PAPOLG: variants seen among roughly 807,000 people sequenced by gnomAD.
The protein encoded by PAPOLG is poly(A) polymerase gamma.
A neutral mutation model predicts 99.0 loss-of-function variants in PAPOLG; 40 were observed. That is an observed-to-expected ratio of 0.40 (90% CI 0.31 to 0.53). The LOEUF (loss-of-function observed/expected upper bound fraction) is 0.53, where lower values mean the gene tolerates loss of function less well. Among genes scored for constraint, PAPOLG ranks in the 20% least tolerant of loss-of-function variants. The pLI, the probability that PAPOLG is intolerant of heterozygous loss-of-function variation, is 0.41. For synonymous variants in PAPOLG, 310 were observed against 299.3 expected (o/e 1.04, Z -0.37); for missense variants, 675 against 884.1 (o/e 0.76, Z 3.00).
At chr2:60,783,798 A>C (rs1053952470) in intron 13 of PAPOLG, among the ~76,000 whole-genome samples, 2 of 151,882 alleles carry the variant, frequency 1.3e-5, no homozygotes, top group East Asian at 3.9e-4. Flanking sequence ...GTGCATGACC[A>C]TGGAGCTTCA....
chr2:60,791,845 A>T lies in PAPOLG; in HGVS notation c.1481A>T (p.His494Leu). The T allele has an allele frequency of 6.2e-7, 1 of 1,613,352 alleles. No homozygotes were observed. ...CATGTAAAGAAAAAACAACTTCACC[A>T]CTACCTTCCTGCAGAAATTCTTCAA... ...ATHVKKKQLH[H>L]YLPAEILQKK... Residue 494 changes from histidine (H) to leucine (L), a missense_variant, in exon 16 of 22, where the codon CAC becomes CTC. By Grantham distance (99) the His-to-Leu change is moderately conservative (BLOSUM62 -3). Around this residue, in one of 3 missense-constraint regions of PAPOLG, gnomAD observed 413 missense variants for 460.5 expected, o/e 0.90. Coordinates refer to ENST00000238714, the MANE Select transcript of PAPOLG (RefSeq NM_022894.4).
intron 8 of PAPOLG, among the ~76,000 whole-genome samples, chr2:60,776,206 T>G (rs1243946474): frequency 6.6e-6 from 1 of 152,156 alleles, no homozygotes; most frequent in East Asian, 1.9e-4. Context: ...CTAGGTGCAT[T>G]GTCAAAAGAG....
chr2:60,795,396 C>T (rs1473580850), intron 21 of PAPOLG: 23 of 416,900 alleles, frequency 5.5e-5, no homozygotes, highest in South Asian at 4.1e-4. Flanking sequence ...AATTAGGAAC[C>T]ATATGTATTA....
intron 3 of PAPOLG, among the ~76,000 whole-genome samples, chr2:60,766,952 A>G (rs1406596903): frequency 1.3e-5 from 2 of 152,176 alleles, no homozygotes; most frequent in African/African-American, 4.8e-5. Flanking sequence ...GAGTACAACA[A>G]CTATATTTAA....
At chr2:60,787,295 A>T (rs1671391663) in intron 14 of PAPOLG, among the ~76,000 whole-genome samples, 1 of 152,214 alleles carries the variant, frequency 6.6e-6, no homozygotes, top group African/African-American at 2.4e-5. Context: ...TTAAGAATAT[A>T]TTTAGTAAGT....
intron 8 of PAPOLG, among the ~76,000 whole-genome samples, chr2:60,776,653 C>G (rs1671030050): frequency 6.6e-6 from 1 of 151,970 alleles, no homozygotes; most frequent in Non-Finnish European, 1.5e-5. Context: ...ATCTTGAAGT[C>G]CTGACCTCAG....
chr2:60,756,332 T>G lies in PAPOLG; in HGVS notation c.-147T>G. 1.0e-6 allele frequency: 1 copy of G among 953,094 alleles called. No individual in the cohort carries two copies. The highest frequency in any genetic ancestry group is 1.7e-6 in the Non-Finnish European group (1 of 593,488). The allele number at this position is 953,094 out of a possible 1,614,324, so 59.0% of individuals were successfully genotyped here. On this transcript the variant is annotated 5_prime_UTR_variant, in exon 1 of 22. Coordinates refer to ENST00000238714, the MANE Select transcript of PAPOLG (RefSeq NM_022894.4). ...GTTTTGTGGTGTTTTCACTACTCGG[T>G]TGGATGCCTCAGCCATAGTAAGTGG...
intron 1 of PAPOLG, among the ~76,000 whole-genome samples, chr2:60,758,561 G>A (rs183351922): frequency 2.6e-5 from 4 of 151,694 alleles, no homozygotes; most frequent in South Asian, 2.1e-4. Flanking sequence ...CCGAGTAGCC[G>A]GGATTACAGA....
chr2:60,777,727 G>C (rs1332498849), intron 8 of PAPOLG, among the ~76,000 whole-genome samples: 2 of 152,096 alleles, frequency 1.3e-5, no homozygotes, highest in Non-Finnish European at 1.5e-5. Context: ...GGCCATTAAG[G>C]GTTCTTAACT....
At chr2:60,796,313 T>C (rs10191512) in intron 21 of PAPOLG, among the ~76,000 whole-genome samples, 1,689 of 151,198 alleles carry the variant, frequency 0.011, 28 homozygotes, top group African/African-American at 0.038. Flanking sequence ...CTAATTTTTG[T>C]ATTTGTAGTG....
At chr2:60,792,907 G>A (rs879935965) in intron 17 of PAPOLG, among the ~76,000 whole-genome samples, 1 of 152,172 alleles carries the variant, frequency 6.6e-6, no homozygotes, top group African/African-American at 2.4e-5. Context: ...GTGGTGGCAT[G>A]TGCCTGTATT....
Position 60,798,635 on chromosome 2 carries a change from T to C in PAPOLG, c.*1475T>C, listed in dbSNP as rs1269520452. ...AGTAGGAAAAACCCAAAATGGTACATTGAGTAGTGTGGGGAAGACACCTCG... is the reference window on the plus strand; with the variant it reads ...AGTAGGAAAAACCCAAAATGGTACACTGAGTAGTGTGGGGAAGACACCTCG... On this transcript the variant is annotated 3_prime_UTR_variant, in exon 22 of 22. Coordinates refer to ENST00000238714, the MANE Select transcript of PAPOLG (RefSeq NM_022894.4). 6.6e-6 allele frequency: 1 copy of C among 152,374 alleles called. No individual in the cohort carries two copies. Among genetic ancestry groups the C allele is most frequent in the Non-Finnish European group, 1.5e-5 (1 of 68,048 alleles). 9.4% of individuals were successfully genotyped at this position (152,374 alleles called of 1,614,324 possible).
chr2:60,782,571 A>G, intron 11 of PAPOLG, 115 bp from the exon 12 acceptor site: 1 of 1,349,896 alleles, frequency 7.4e-7, no homozygotes, highest in South Asian at 1.6e-5. Flanking sequence ...AAAGAAAAAA[A>G]AAAATTTCGT....
chr2:60,760,984 T>C (rs1221775418), intron 2 of PAPOLG, among the ~76,000 whole-genome samples: 2 of 152,262 alleles, frequency 1.3e-5, no homozygotes, highest in African/African-American at 4.8e-5. Flanking sequence ...GAAATGATGG[T>C]GGCTAGAACC....
intron 10 of PAPOLG, 28 bp from the exon 11 acceptor site, chr2:60,781,857 A>T (rs1671199432): frequency 1.2e-6 from 2 of 1,613,462 alleles, no homozygotes; most frequent in South Asian, 2.2e-5. Context: ...AGGAGAATAG[A>T]TCAGTTATTC....
chr2:60,779,060 C>A (rs1024862686), intron 8 of PAPOLG, among the ~76,000 whole-genome samples: 3 of 150,720 alleles, frequency 2.0e-5, no homozygotes, highest in Admixed American at 6.6e-5. Flanking sequence ...TCACTCCAGT[C>A]TGGGTGACAG....
chr2:60,761,721 T>C lies in PAPOLG; in HGVS notation c.180-20T>C. On this transcript the variant is annotated intron_variant, in intron 2 of 21. Transcript: ENST00000238714. ...GTTCATTTGTTTGTTTGTTTTAATC[T>C]GAAGCATTTTTTTTTATAGGCTGGT... 2 of 1,584,014 alleles carry C rather than the reference T, an allele frequency of 1.3e-6. No homozygotes were observed. The highest frequency in any genetic ancestry group is 1.1e-5 in the South Asian group (1 of 89,674).
intron 6 of PAPOLG, among the ~76,000 whole-genome samples, chr2:60,770,767 G>A (rs1163791565): frequency 6.6e-6 from 1 of 151,882 alleles, no homozygotes; most frequent in Non-Finnish European, 1.5e-5. Flanking sequence ...AGGATTCCAG[G>A]CACACACCAC....
At chr2:60,789,946 T>G (rs1671479645) in intron 15 of PAPOLG, among the ~76,000 whole-genome samples, 1 of 152,090 alleles carries the variant, frequency 6.6e-6, no homozygotes, top group Non-Finnish European at 1.5e-5. Flanking sequence ...ATACAAAAAT[T>G]AGCCAGGTGT....
Sources: gnomAD v4.1 joint callset for allele counts (sites outside exome capture counted in the v4.1 genomes callset) on GRCh38, gnomAD v4.1.1 for gene constraint, gnomAD v4.1.1 regional missense constraint, MANE v1.5 for transcripts, NCBI Gene and HGNC (gene_info 2026-07-23, HGNC 2026-07-21) for gene names.